The following PTK2 variants were observed in gnomAD, a reference collection of about 807,000 sequenced individuals.
PTK2 encodes protein tyrosine kinase 2.
A neutral mutation model predicts 150.1 loss-of-function variants in PTK2; 45 were observed. That is an observed-to-expected ratio of 0.30 (90% CI 0.24 to 0.38). The LOEUF (loss-of-function observed/expected upper bound fraction) is 0.38, where lower values mean the gene tolerates loss of function less well. Among genes scored for constraint, PTK2 ranks in the 10% least tolerant of loss-of-function variants. The pLI is 1.00. For synonymous variants in PTK2, 432 were observed against 449.2 expected, an observed-to-expected ratio of 0.96 and a Z score of 0.48; for missense variants, 919 against 1,307.3, an observed-to-expected ratio of 0.70 and a Z score of 4.58.
Position 140,937,835 on chromosome 8 carries a change from C to A in PTK2, c.-121-12086G>T, listed in dbSNP as rs2100174222. Reference sequence around the variant, plus strand: ...GTGGCAGTGGCTGCACGTCTGTAGTCCCAGCTACTTGGGAGGCTGAGGCAG... The same window carrying A: ...GTGGCAGTGGCTGCACGTCTGTAGTACCAGCTACTTGGGAGGCTGAGGCAG... On this transcript the variant is annotated intron_variant, in intron 1 of 31. Coordinates refer to ENST00000522684, the Ensembl canonical transcript of PTK2. Among the ~76,000 whole-genome samples the A allele has an allele frequency of 5.3e-5, 8 of 152,276 alleles. No individual in the cohort carries two copies. The South Asian group carries it at 1.7e-3, about 32-fold the overall frequency.
chr8:140,811,272 A>C (rs953305688), intron 10 of PTK2, among the ~76,000 whole-genome samples: 7 of 152,202 alleles, frequency 4.6e-5, no homozygotes, highest in African/African-American at 7.2e-5. Context: ...TCCCAGAATT[A>C]GAGCACACAG....
At chr8:140,741,498 A>T (rs1458877323) in intron 20 of PTK2, among the ~76,000 whole-genome samples, 1 of 151,872 alleles carries the variant, frequency 6.6e-6, no homozygotes, top group East Asian at 1.9e-4. Context: ...AAATGAATTT[A>T]AAAAATAAAA....
At chr8:140,717,866 C>T in intron 22 of PTK2, 157 bp from the exon 26 acceptor site, 1 of 564,038 alleles carries the variant, frequency 1.8e-6, no homozygotes, top group Non-Finnish European at 3.2e-6. Flanking sequence ...AGGTTTCTAA[C>T]TCTCCACGAA....
intron 15 of PTK2, among the ~76,000 whole-genome samples, chr8:140,762,663 C>A (rs1341037766): frequency 6.6e-6 from 1 of 152,156 alleles, no homozygotes; most frequent in Non-Finnish European, 1.5e-5. Context: ...CCATGTTGGA[C>A]ATTTACTGCT....
At chr8:140,801,928 T>C (rs770688686) in intron 11 of PTK2, among the ~76,000 whole-genome samples, 4 of 152,174 alleles carry the variant, frequency 2.6e-5, no homozygotes, top group African/African-American at 4.8e-5. Flanking sequence ...CTCATGTTTA[T>C]GGTGAAGCTG....
intron 7 of PTK2, among the ~76,000 whole-genome samples, chr8:140,837,845 G>T (rs1426534020): frequency 1.3e-5 from 2 of 152,042 alleles, no homozygotes; most frequent in African/African-American, 4.8e-5. Context: ...GATCACTTGA[G>T]GTCAGGAGTT....
intron 17 of PTK2, 47 bp downstream of exon 20, chr8:140,752,185 C>T (rs773575369): frequency 6.8e-6 from 10 of 1,460,772 alleles, no homozygotes; most frequent in Non-Finnish European, 8.6e-6. Flanking sequence ...TTGGATTTCA[C>T]AGATAGAAAG....
intron 17 of PTK2, chr8:140,747,138 C>T (rs2100059422): frequency 4.0e-6 from 1 of 252,902 alleles, no homozygotes; most frequent in Non-Finnish European, 7.6e-6. Context: ...GATCTACCCG[C>T]CTTGGCCTCC....
chr8:140,809,835 A>G (rs559413910), intron 10 of PTK2, among the ~76,000 whole-genome samples: 4 of 152,236 alleles, frequency 2.6e-5, no homozygotes, highest in Non-Finnish European at 5.9e-5. Flanking sequence ...TGAAGTGATT[A>G]AAAAGATAAA....
chr8:140,826,426 C>A (rs1189414585), intron 8 of PTK2, among the ~76,000 whole-genome samples: 1 of 152,100 alleles, frequency 6.6e-6, no homozygotes, highest in Non-Finnish European at 1.5e-5. Flanking sequence ...AATTCCTAAG[C>A]CAAATACACA....
At chr8:140,691,973 G>A (rs936553782) in intron 26 of PTK2, among the ~76,000 whole-genome samples, 1 of 152,122 alleles carries the variant, frequency 6.6e-6, no homozygotes, top group African/African-American at 2.4e-5. Flanking sequence ...CCTTCTACAG[G>A]CAGGAAATAT....
At position 140,682,737 on chromosome 8, in the gene PTK2, G is replaced by A. The variant is rs551348860; in HGVS notation, c.2562+3895C>T. Reference sequence around the variant, plus strand: ...AGATTGTTCAAAACCATATGATTACGTGGAAATTAACCTGCTCCTGAATGA... The same window carrying A: ...AGATTGTTCAAAACCATATGATTACATGGAAATTAACCTGCTCCTGAATGA... On this transcript the variant is annotated intron_variant, in intron 27 of 31. Coordinates refer to ENST00000522684, the Ensembl canonical transcript of PTK2. Among the ~76,000 whole-genome samples, 29 of 151,940 alleles carry A rather than the reference G, an allele frequency of 1.9e-4. 1 individual carries two copies. The highest frequency in any genetic ancestry group is 6.5e-4 in the African/African-American group (27 of 41,450).
intron 14 of PTK2, among the ~76,000 whole-genome samples, chr8:140,777,860 A>ACTTC (rs2100079331): frequency 6.6e-6 from 1 of 152,218 alleles, no homozygotes; most frequent in Non-Finnish European, 1.5e-5. Flanking sequence ...AGAGTCAGGA[A>ACTTC]GCCTGACTAT....
intron 1 of PTK2, among the ~76,000 whole-genome samples, chr8:140,944,417 C>T (rs553158244): frequency 6.6e-6 from 1 of 152,308 alleles, no homozygotes; most frequent in East Asian, 1.9e-4. Flanking sequence ...CTGTGGTTAA[C>T]CTTAAGGCCT....
At chr8:140,696,957 T>C (rs1194474782) in intron 26 of PTK2, among the ~76,000 whole-genome samples, 3 of 151,500 alleles carry the variant, frequency 2.0e-5, no homozygotes, top group African/African-American at 7.3e-5. Context: ...CTGGCCAACA[T>C]GATGAAACTC....
At chr8:140,864,273 GAAAC>G (rs774876222) in intron 5 of PTK2, 35 bp downstream of exon 5, 20 of 1,219,980 alleles carry the variant, frequency 1.6e-5, no homozygotes, top group Middle Eastern at 2.0e-4. Flanking sequence ...AGGATTCAAA[GAAAC>G]AAACAAAAAA....
intron 16 of PTK2, among the ~76,000 whole-genome samples, chr8:140,757,088 T>A (rs1373368863): frequency 6.6e-6 from 1 of 152,182 alleles, no homozygotes. Context: ...TAAAAGTGAA[T>A]GAAATAAAGT....
chr8:140,901,193 AAACTGGAT>A (rs1440302406), intron 2 of PTK2, among the ~76,000 whole-genome samples: 1 of 152,028 alleles, frequency 6.6e-6, no homozygotes, highest in Non-Finnish European at 1.5e-5. Flanking sequence ...GGTGCCGAGA[AAACTGGAT>A]AACTGTATGC....
At position 140,976,352 on chromosome 8, in the gene PTK2, T is replaced by C. The variant is rs147437778; in HGVS notation, c.-122+24773A>G. ...TTTAATTTCTGAGCCACTATTTAAC[T>C]GATAATTTTCAAGTTAATGCTACTT... On this transcript the variant is annotated intron_variant, in intron 1 of 31. Transcript: ENST00000522684. 3.4e-3 allele frequency among the ~76,000 whole-genome samples: 519 copies of C among 152,334 alleles called. 4 individuals carry two copies. Among genetic ancestry groups the C allele is most frequent in the African/African-American group, 0.012 (504 of 41,568 alleles).
Sources: allele counts gnomAD v4.1 joint callset (sites outside exome capture counted in the v4.1 genomes callset), GRCh38; gene constraint gnomAD v4.1.1; transcripts MANE v1.5; gene names NCBI Gene and HGNC (gene_info 2026-07-23, HGNC 2026-07-21).